Variants in KLHDC1 observed in about 807,000 individuals in gnomAD.
The protein encoded by KLHDC1 is kelch domain-containing protein 1.
Under a neutral mutation model 68.3 loss-of-function variants are expected in KLHDC1, and 53 were observed. The ratio of observed to expected loss-of-function variants is 0.78; its 90% CI spans 0.62 to 0.98. The LOEUF is 0.98. Among genes scored for constraint, KLHDC1 ranks in the 50% least tolerant of loss-of-function variants. The pLI, the probability that KLHDC1 is intolerant of heterozygous loss-of-function variation, is 0.00. For missense variants in KLHDC1, 470 were observed against 492.3 expected (o/e 0.95, Z 0.43); for synonymous variants, 148 against 159.0 (o/e 0.93, Z 0.52).
At chr14:49,703,238 A>G (rs1887956474) in intron 1 of KLHDC1, among the ~76,000 whole-genome samples, 1 of 151,968 alleles carries the variant, frequency 6.6e-6, no homozygotes, top group Admixed American at 6.6e-5. Flanking sequence ...CCACTCATAC[A>G]GGTTACCACT....
At position 49,749,459 on chromosome 14, in the gene KLHDC1, A is replaced by C. The variant is rs1198881873; in HGVS notation, c.1035-2127A>C. Among the ~76,000 whole-genome samples the C allele has an allele frequency of 2.0e-5, 3 of 151,888 alleles. No individual in the cohort carries two copies. The East Asian group carries it at 5.8e-4, about 29-fold the overall frequency. On this transcript the variant is annotated intron_variant, in intron 12 of 12. Coordinates refer to ENST00000359332, the MANE Select transcript of KLHDC1 (RefSeq NM_172193.3). ...AAGGCAGGTGGATCACCCAAGGGGC[A>C]GGAGTTCGGAGTTCAAGACTAGCCT... is the stretch of plus-strand genomic sequence containing the variant.
chr14:49,709,607 G>T, intron 2 of KLHDC1, 102 bp from the exon 3 acceptor site: 1 of 559,062 alleles, frequency 1.8e-6, no homozygotes, highest in Non-Finnish European at 3.2e-6. Context: ...AACTGTAATT[G>T]ACAGTGACAG....
intron 11 of KLHDC1, among the ~76,000 whole-genome samples, chr14:49,743,242 C>CA (rs980319644): frequency 1.3e-4 from 19 of 150,912 alleles, no homozygotes; most frequent in African/African-American, 3.6e-4. Context: ...ACTAAAAATA[C>CA]AAAAAAAATT....
Position 49,723,700 on chromosome 14 carries a change from C to G in KLHDC1, c.405-174C>G, listed in dbSNP as rs142279910. The stretch of plus-strand genomic sequence containing the variant: ...TGGGTCTCTTCTTTCCCATTGAGAG[C>G]TCATCACTTTCTGGAATTGGTTTAT... On this transcript the variant is annotated intron_variant, in intron 4 of 12. Coordinates refer to ENST00000359332, the MANE Select transcript of KLHDC1 (RefSeq NM_172193.3). 1.3e-4 allele frequency among the ~76,000 whole-genome samples: 20 copies of G among 152,234 alleles called. 1 individual carries two copies. In the East Asian group the frequency reaches 3.7e-3, roughly 28 times the overall value.
At chr14:49,699,437 G>A in intron 1 of KLHDC1, among the ~76,000 whole-genome samples, 2 of 149,030 alleles carry the variant, frequency 1.3e-5, no homozygotes, top group Non-Finnish European at 1.5e-5. Context: ...AAAAAAAAAA[G>A]AGGACATGGC....
At chr14:49,749,847 T>G (rs189054660) in intron 12 of KLHDC1, among the ~76,000 whole-genome samples, 75 of 152,108 alleles carry the variant, frequency 4.9e-4, no homozygotes, top group African/African-American at 1.8e-3. Flanking sequence ...TCACCTGAGG[T>G]AAGAGTTCAA....
At chr14:49,744,810 G>A (rs1176160203) in intron 12 of KLHDC1, among the ~76,000 whole-genome samples, 1 of 152,140 alleles carries the variant, frequency 6.6e-6, no homozygotes, top group Non-Finnish European at 1.5e-5. Context: ...ATCCACAGAG[G>A]AGGAACTTAC....
chr14:49,695,511 T>C (rs1887714748), intron 1 of KLHDC1, among the ~76,000 whole-genome samples: 1 of 152,218 alleles, frequency 6.6e-6, no homozygotes, highest in Non-Finnish European at 1.5e-5. Context: ...TAAGCCATGC[T>C]GTCAAAGAGA....
At chr14:49,722,811 G>A (rs1045241938) in intron 4 of KLHDC1, among the ~76,000 whole-genome samples, 1 of 152,224 alleles carries the variant, frequency 6.6e-6, no homozygotes, top group Non-Finnish European at 1.5e-5. Context: ...ATATCAGCGG[G>A]TGCAGTGGCT....
intron 10 of KLHDC1, among the ~76,000 whole-genome samples, chr14:49,735,976 C>T (rs1350260771): frequency 6.6e-6 from 1 of 152,068 alleles, no homozygotes; most frequent in Non-Finnish European, 1.5e-5. Context: ...GATTGTGCCA[C>T]TGCACTCCAG....
intron 11 of KLHDC1, among the ~76,000 whole-genome samples, chr14:49,743,326 G>A (rs1431082957): frequency 1.3e-5 from 2 of 150,918 alleles, no homozygotes; most frequent in Non-Finnish European, 3.0e-5. Flanking sequence ...CTTGAACCTG[G>A]GAGTTGGAGG....
At chr14:49,740,243 C>A in intron 11 of KLHDC1, 61 bp downstream of exon 11, 1 of 930,372 alleles carries the variant, frequency 1.1e-6, no homozygotes, top group Non-Finnish European at 1.7e-6. Context: ...CACTAAATGG[C>A]TATTCAGCAA....
intron 4 of KLHDC1, among the ~76,000 whole-genome samples, chr14:49,712,995 C>A (rs969283819): frequency 2.1e-5 from 3 of 142,254 alleles, no homozygotes; most frequent in African/African-American, 7.9e-5. Context: ...TGTCACCCAG[C>A]CTGGAATGCA....
intron 4 of KLHDC1, among the ~76,000 whole-genome samples, chr14:49,719,788 T>C (rs1239526748): frequency 6.6e-6 from 1 of 151,780 alleles, no homozygotes; most frequent in Admixed American, 6.6e-5. Flanking sequence ...TTTTCTTCCC[T>C]TCCTTTCTTT....
intron 11 of KLHDC1, among the ~76,000 whole-genome samples, chr14:49,743,174 A>C (rs993141705): frequency 4.0e-5 from 6 of 151,308 alleles, no homozygotes; most frequent in African/African-American, 1.2e-4. Context: ...AGGCAGGTGG[A>C]TCACCTGAGG....
chr14:49,709,637 TC>T, intron 2 of KLHDC1, 71 bp from the exon 3 acceptor site: 1 of 736,132 alleles, frequency 1.4e-6, no homozygotes, highest in African/African-American at 1.8e-5. Context: ...ACAAAAGTAC[TC>T]ATGGAGTTTA....
intron 12 of KLHDC1, among the ~76,000 whole-genome samples, chr14:49,746,083 G>C (rs1486459660): frequency 1.3e-5 from 2 of 152,124 alleles, no homozygotes; most frequent in Non-Finnish European, 2.9e-5. Flanking sequence ...TATTTAGGAG[G>C]GAGAATGGAC....
intron 11 of KLHDC1, 151 bp from the exon 12 acceptor site, chr14:49,743,602 C>T (rs781023066): frequency 1.1e-5 from 6 of 557,482 alleles, no homozygotes; most frequent in African/African-American, 7.7e-5. Flanking sequence ...TATGTGTGTG[C>T]ATGAATTTAT....
chr14:49,724,862 C>T (rs926513845), intron 5 of KLHDC1, among the ~76,000 whole-genome samples: 4 of 146,686 alleles, frequency 2.7e-5, no homozygotes, highest in Admixed American at 7.0e-5. Flanking sequence ...TCTAAATGAG[C>T]TGGGTGTGGT....
Sources: allele counts gnomAD v4.1 joint callset (sites outside exome capture counted in the v4.1 genomes callset), GRCh38; gene constraint gnomAD v4.1.1; transcripts MANE v1.5; gene names NCBI Gene and HGNC (gene_info 2026-07-23, HGNC 2026-07-21).